The following GSK3B variants were observed in gnomAD, a reference collection of about 807,000 sequenced individuals.
GSK3B encodes the protein glycogen synthase kinase 3 beta, also known as glycogen synthase kinase-3 beta.
In GSK3B, 15 loss-of-function variants were observed where a neutral mutation model predicts 56.4. The observed-to-expected ratio is 0.27, with a 90% CI of 0.18 to 0.41. The LOEUF is 0.41. Among genes scored for constraint, GSK3B ranks in the 10% least tolerant of loss-of-function variants. The pLI, the probability that GSK3B is intolerant of heterozygous loss-of-function variation, is 1.00. For synonymous variants in GSK3B, 181 were observed against 188.9 expected (o/e 0.96, Z 0.34); for missense variants, 300 against 513.4 (o/e 0.58, Z 4.02).
chr3:120,014,863 T>A (rs4688054), intron 1 of GSK3B, among the ~76,000 whole-genome samples: 1 of 152,012 alleles, frequency 6.6e-6, no homozygotes, highest in East Asian at 1.9e-4. Flanking sequence ...AAGGAAAACA[T>A]AGGGTGGCAG....
chr3:120,009,339 T>TA (rs771395822), intron 1 of GSK3B, among the ~76,000 whole-genome samples: 3 of 152,168 alleles, frequency 2.0e-5, no homozygotes, highest in Admixed American at 6.5e-5. Flanking sequence ...ACTCAGCATA[T>TA]ACCCAAAGGA....
chr3:119,837,935 A>C (rs2055716265), intron 10 of GSK3B, among the ~76,000 whole-genome samples: 1 of 88,306 alleles, frequency 1.1e-5, no homozygotes, highest in Admixed American at 1.7e-4. Flanking sequence ...TCCTACGTTG[A>C]CCATTCACAT....
chr3:119,832,858 C>G (rs2055625808), intron 10 of GSK3B: 1 of 323,824 alleles, frequency 3.1e-6, no homozygotes. Context: ...GTCCATGAGG[C>G]TGTGATTTTT....
intron 3 of GSK3B, among the ~76,000 whole-genome samples, chr3:119,924,762 T>A (rs533166422): frequency 2.6e-5 from 4 of 152,348 alleles, no homozygotes; most frequent in Non-Finnish European, 5.9e-5. Flanking sequence ...TGCCTGTTTT[T>A]AAAAATAAAC....
chr3:119,995,341 A>G (rs916154941), intron 2 of GSK3B, among the ~76,000 whole-genome samples: 2 of 152,060 alleles, frequency 1.3e-5, no homozygotes, highest in Non-Finnish European at 2.9e-5. Context: ...TGAAAAAAAT[A>G]AAAATAATAT....
intron 1 of GSK3B, among the ~76,000 whole-genome samples, chr3:120,056,638 C>T (rs939055424): frequency 6.6e-6 from 1 of 152,240 alleles, no homozygotes; most frequent in African/African-American, 2.4e-5. Flanking sequence ...TGTGCCTGAC[C>T]AGAGGTTCTC....
intron 1 of GSK3B, among the ~76,000 whole-genome samples, chr3:120,054,478 C>A (rs2058176990): frequency 6.6e-6 from 1 of 152,170 alleles, no homozygotes; most frequent in African/African-American, 2.4e-5. Flanking sequence ...TTTTATTTGT[C>A]CTTTAGGCAG....
chr3:119,967,797 TCTCC>T (rs1190961878), intron 2 of GSK3B, among the ~76,000 whole-genome samples: 2 of 145,044 alleles, frequency 1.4e-5, no homozygotes, highest in Non-Finnish European at 3.0e-5. Context: ...TCTCTCTCTC[TCTCC>T]CTCTCTCCCT....
At position 120,093,450 on chromosome 3, in the gene GSK3B, G is replaced by A. The variant is rs201029919; in HGVS notation, c.-16C>T. ...GCCCTGACATGATCACTCTCTTCGCGAATCACCTTTTCCTTCCTTCCTCCT... is the reference window on the plus strand; with the variant it reads ...GCCCTGACATGATCACTCTCTTCGCAAATCACCTTTTCCTTCCTTCCTCCT... On this transcript the variant is annotated 5_prime_UTR_variant, in exon 1 of 11. Coordinates refer to ENST00000264235, the MANE Select transcript of GSK3B (RefSeq NM_001146156.2). 2.6e-5 allele frequency: 40 copies of A among 1,564,132 alleles called. No homozygotes were observed. Among genetic ancestry groups the A allele is most frequent in the Admixed American group, 3.3e-5 (2 of 59,776 alleles).
intron 8 of GSK3B, among the ~76,000 whole-genome samples, chr3:119,866,828 G>A (rs1002635648): frequency 2.0e-5 from 3 of 152,044 alleles, no homozygotes; most frequent in African/African-American, 7.2e-5. Flanking sequence ...TTTCACCACA[G>A]TGTATGCAAA....
chr3:119,822,917 C>G lies in GSK3B; in HGVS notation c.*3871G>C. On this transcript the variant is annotated 3_prime_UTR_variant, in exon 11 of 11. Coordinates refer to ENST00000264235, the MANE Select transcript of GSK3B (RefSeq NM_001146156.2). The stretch of plus-strand genomic sequence containing the variant: ...AGGAAAGGGAAAAATAGATGAAATG[C>G]CAGTGTCTTCATATCCACAGGGATA... The G allele has an allele frequency of 4.4e-6, 1 of 228,910 alleles. No individual in the cohort carries two copies. The highest frequency in any genetic ancestry group is 6.2e-5 in the East Asian group (1 of 16,010). The allele number at this position is 228,910 out of a possible 1,614,324, so 14.2% of individuals were successfully genotyped here.
chr3:120,003,835 G>A (rs2057700301), intron 1 of GSK3B, among the ~76,000 whole-genome samples: 1 of 152,232 alleles, frequency 6.6e-6, no homozygotes. Context: ...GATCTTTGCA[G>A]AACACAGGTG....
chr3:119,953,187 A>AGAAAATAATTTAAT (rs1559850862), intron 2 of GSK3B, among the ~76,000 whole-genome samples: 1 of 152,206 alleles, frequency 6.6e-6, no homozygotes, highest in African/African-American at 2.4e-5. Context: ...GCAACCACTA[A>AGAAAATAATTTAAT]GAAAATAATT....
intron 10 of GSK3B, among the ~76,000 whole-genome samples, chr3:119,842,551 T>TC (rs1378417788): frequency 9.2e-5 from 14 of 152,226 alleles, no homozygotes; most frequent in Admixed American, 5.9e-4. Flanking sequence ...TTATATGTTT[T>TC]CAGCTATAAA....
intron 1 of GSK3B, among the ~76,000 whole-genome samples, chr3:120,048,511 C>T (rs774663465): frequency 4.6e-5 from 7 of 152,216 alleles, no homozygotes; most frequent in Non-Finnish European, 8.8e-5. Context: ...TATTTCAGTT[C>T]CCTGTGCCTC....
At position 120,056,665 on chromosome 3, in the gene GSK3B, A is replaced by G. The variant is rs180720845; in HGVS notation, c.88+36682T>C. Among the ~76,000 whole-genome samples, 8 of 152,258 alleles carry G rather than the reference A, an allele frequency of 5.3e-5. No homozygotes were observed. In the East Asian group the frequency reaches 1.5e-3, roughly 29 times the overall value. On this transcript the variant is annotated intron_variant, in intron 1 of 10. Coordinates refer to ENST00000264235, the MANE Select transcript of GSK3B (RefSeq NM_001146156.2). ...GAGGTTCTCAATAGTTTTTAAGAGT[A>G]CTAAGGAGTCCTGAGAGCAAGAAGT...
intron 10 of GSK3B, among the ~76,000 whole-genome samples, chr3:119,838,586 G>C (rs1185692089): frequency 6.6e-6 from 1 of 152,062 alleles, no homozygotes; most frequent in Non-Finnish European, 1.5e-5. Flanking sequence ...ACATAAATTA[G>C]GATGAGTATT....
At chr3:120,042,792 G>A (rs2058074191) in intron 1 of GSK3B, among the ~76,000 whole-genome samples, 1 of 152,090 alleles carries the variant, frequency 6.6e-6, no homozygotes, top group Admixed American at 6.5e-5. Flanking sequence ...CATTAAGGAA[G>A]GTTAAAAAGA....
chr3:119,866,867 G>C (rs1350551946), intron 8 of GSK3B, among the ~76,000 whole-genome samples: 1 of 151,944 alleles, frequency 6.6e-6, no homozygotes, highest in Non-Finnish European at 1.5e-5. Flanking sequence ...GCAATGGTGA[G>C]GCACAGTAAA....
Sources: allele counts gnomAD v4.1 joint callset (sites outside exome capture counted in the v4.1 genomes callset), GRCh38; gene constraint gnomAD v4.1.1; transcripts MANE v1.5; gene names NCBI Gene and HGNC (gene_info 2026-07-23, HGNC 2026-07-21).